Variants in ADGRB3 observed in about 807,000 individuals in gnomAD.
ADGRB3 encodes the protein brain-specific angiogenesis inhibitor 3.
ADGRB3 carries 37 observed loss-of-function variants against 193.4 expected under a neutral mutation model. That is an observed-to-expected ratio of 0.19 (90% confidence interval 0.15 to 0.25). The LOEUF is 0.25. ADGRB3 is among the 10% of genes least tolerant of loss of function. ADGRB3 has a pLI of 1.00. For synonymous variants in ADGRB3, 690 were observed against 644.2 expected (o/e 1.07, Z -1.08); for missense variants, 1,637 against 1,852.9 (o/e 0.88, Z 2.14).
chr6:69,174,463 T>C (rs990836507), intron 17 of ADGRB3, among the ~76,000 whole-genome samples: 16 of 152,218 alleles, frequency 1.1e-4, no homozygotes, highest in Non-Finnish European at 1.8e-4. Context: ...TAGTATTCCA[T>C]GGTGTATGCA....
At chr6:69,380,065 A>T (rs913441710) in intron 30 of ADGRB3, among the ~76,000 whole-genome samples, 2 of 151,972 alleles carry the variant, frequency 1.3e-5, no homozygotes, top group African/African-American at 4.8e-5. Context: ...TTGAAATATG[A>T]TCCACCCAGT....
intron 3 of ADGRB3, among the ~76,000 whole-genome samples, chr6:68,640,369 G>A (rs1768059085): frequency 6.6e-6 from 1 of 152,230 alleles, no homozygotes; most frequent in Admixed American, 6.5e-5. Flanking sequence ...GGAGCTACCA[G>A]AGGATTTGAG....
intron 3 of ADGRB3, among the ~76,000 whole-genome samples, chr6:68,893,279 CA>C (rs1229820390): frequency 6.6e-6 from 1 of 151,938 alleles, no homozygotes; most frequent in Non-Finnish European, 1.5e-5. Context: ...GCTGGCCTAT[CA>C]AATTGCTTTC....
chr6:69,368,127 C>A (rs1199010864), intron 29 of ADGRB3, among the ~76,000 whole-genome samples: 1 of 151,834 alleles, frequency 6.6e-6, no homozygotes, highest in Non-Finnish European at 1.5e-5. Flanking sequence ...CACATGTACC[C>A]TAAAACTTAA....
chr6:68,873,178 A>C (rs1765507302), intron 3 of ADGRB3, among the ~76,000 whole-genome samples: 1 of 152,156 alleles, frequency 6.6e-6, no homozygotes, highest in Admixed American at 6.5e-5. Flanking sequence ...GCAATTACTA[A>C]AATTGTAACA....
chr6:68,991,546 G>GC (rs1290407950), intron 10 of ADGRB3, among the ~76,000 whole-genome samples: 16 of 149,528 alleles, frequency 1.1e-4, no homozygotes, highest in African/African-American at 3.9e-4. Context: ...ACTATTCAAG[G>GC]CCCCCGCCAT....
At chr6:68,734,235 G>A (rs1158594343) in intron 3 of ADGRB3, among the ~76,000 whole-genome samples, 1 of 151,868 alleles carries the variant, frequency 6.6e-6, no homozygotes, top group Non-Finnish European at 1.5e-5. Flanking sequence ...GAGAAAGAAG[G>A]AACAATGAAT....
intron 17 of ADGRB3, among the ~76,000 whole-genome samples, chr6:69,077,662 G>C (rs999142489): frequency 3.3e-5 from 5 of 151,920 alleles, no homozygotes; most frequent in Admixed American, 6.6e-5. Flanking sequence ...ATTCACCTGA[G>C]GAATCAATCA....
rs1166175462 is a variant in ADGRB3, at chr6:68,981,890, T to TTATTTATA, written c.1734+6555_1734+6556insATATATTT. On this transcript the variant is annotated intron_variant, in intron 10 of 31. Transcript: ENST00000370598. ...TTTATTTATTTATTTATTTATTTATTTATTTTAGACAGAGTCTCACTCTAT... is the reference window on the plus strand; with the variant it reads ...TTTATTTATTTATTTATTTATTTATTTATTTATATATTTTAGACAGAGTCTCACTCTAT... 3.0e-4 allele frequency among the ~76,000 whole-genome samples: 42 copies of TTATTTATA among 140,410 alleles called. 1 individual carries two copies. The highest frequency in any genetic ancestry group is 5.9e-4 in the Non-Finnish European group (37 of 62,622). 92.1% of individuals were successfully genotyped at this position (140,410 alleles called of 152,430 possible). A position where few individuals can be genotyped will look rare whatever the true frequency, so the allele number is the denominator to read the frequency against.
intron 20 of ADGRB3, among the ~76,000 whole-genome samples, chr6:69,303,503 G>T (rs10945152): frequency 0.43 from 65,511 of 151,482 alleles, 16,039 homozygotes; most frequent in African/African-American, 0.66. Flanking sequence ...CCACTTCAAA[G>T]TTTTTCAGGC....
rs12111054 is a variant in ADGRB3 at position 69,187,610 on chromosome 6, G to A, written c.2481-45680G>A. Among the ~76,000 whole-genome samples the A allele has an allele frequency of 2.4e-3, 368 of 152,234 alleles. 1 individual carries two copies. Among genetic ancestry groups the A allele is most frequent in the African/African-American group, 7.4e-3 (307 of 41,542 alleles). On this transcript the variant is annotated intron_variant, in intron 17 of 31. Coordinates refer to ENST00000370598, the MANE Select transcript of ADGRB3 (RefSeq NM_001704.3). ...TTATCATCCCCTTTGAAGTTGTTAC[G>A]CAGTAGGTTTTGTTTCTTGGAGTTT...
chr6:68,757,401 G>A (rs1766316912), intron 3 of ADGRB3, among the ~76,000 whole-genome samples: 1 of 152,108 alleles, frequency 6.6e-6, no homozygotes, highest in Non-Finnish European at 1.5e-5. Context: ...CATAACCTGT[G>A]AAGTCAGTGT....
At chr6:68,695,080 T>G (rs1158473561) in intron 3 of ADGRB3, among the ~76,000 whole-genome samples, 1 of 152,086 alleles carries the variant, frequency 6.6e-6, no homozygotes, top group Non-Finnish European at 1.5e-5. Flanking sequence ...GTGTGGCTAA[T>G]GTGACTGAGA....
At chr6:69,121,483 C>T (rs1773684790) in intron 17 of ADGRB3, among the ~76,000 whole-genome samples, 1 of 152,098 alleles carries the variant, frequency 6.6e-6, no homozygotes, top group South Asian at 2.1e-4. Flanking sequence ...ACAAAACTGC[C>T]ATCGTCATCA....
At position 69,050,895 on chromosome 6, in the gene ADGRB3, A is replaced by T. The variant is rs1554253874; in HGVS notation, c.2333+1549A>T. 2.6e-5 allele frequency among the ~76,000 whole-genome samples: 4 copies of T among 152,140 alleles called. 1 individual carries two copies. The highest frequency in any genetic ancestry group is 4.1e-4 in the South Asian group (2 of 4,830). On this transcript the variant is annotated intron_variant, in intron 15 of 31. Coordinates refer to ENST00000370598, the MANE Select transcript of ADGRB3 (RefSeq NM_001704.3). ...AATACAAATGAAATATTCAACATAAATTTTTTAGATTAGTTTCCCTCCTAG... is the reference window on the plus strand; with the variant it reads ...AATACAAATGAAATATTCAACATAATTTTTTTAGATTAGTTTCCCTCCTAG...
intron 14 of ADGRB3, among the ~76,000 whole-genome samples, chr6:69,048,723 A>G (rs1771307840): frequency 6.6e-6 from 1 of 152,108 alleles, no homozygotes; most frequent in South Asian, 2.1e-4. Flanking sequence ...GTTTGAAGAT[A>G]TTATTTTGGC....
chr6:69,042,877 C>T (rs372156881), intron 13 of ADGRB3, among the ~76,000 whole-genome samples: 5 of 152,260 alleles, frequency 3.3e-5, no homozygotes, highest in South Asian at 4.1e-4. Context: ...ATAAAAAGGA[C>T]AGTTTTTAAG....
At chr6:69,294,713 T>C (rs73471317) in intron 20 of ADGRB3, among the ~76,000 whole-genome samples, 1,908 of 152,284 alleles carry the variant, frequency 0.013, 35 homozygotes, top group African/African-American at 0.041. Context: ...TTGATAACGC[T>C]TGATGAGAGA....
At chr6:69,047,119 A>G (rs538827295) in intron 13 of ADGRB3, among the ~76,000 whole-genome samples, 1 of 152,270 alleles carries the variant, frequency 6.6e-6, no homozygotes, top group African/African-American at 2.4e-5. Flanking sequence ...TCAGCCTCCC[A>G]AAGTGCTGGG....
Sources: allele counts gnomAD v4.1 joint callset (sites outside exome capture counted in the v4.1 genomes callset), GRCh38; gene constraint gnomAD v4.1.1; transcripts MANE v1.5; gene names NCBI Gene and HGNC (gene_info 2026-07-23, HGNC 2026-07-21).